RBFOX1: variants seen among roughly 807,000 people sequenced by gnomAD.
RBFOX1 encodes the protein RNA binding protein fox-1 homolog 1.
RBFOX1 carries 8 observed loss-of-function variants against 57.7 expected under a neutral mutation model. The ratio of observed to expected loss-of-function variants is 0.14; its 90% CI spans 0.08 to 0.25. The LOEUF (loss-of-function observed/expected upper bound fraction) is 0.25. Among genes scored for constraint, RBFOX1 ranks in the 10% least tolerant of loss-of-function variants. The pLI is 1.00. For missense variants in RBFOX1, 611 were observed against 548.5 expected (o/e 1.11, Z -1.14); for synonymous variants, 326 against 222.4 (o/e 1.47, Z -4.15).
intron 2 of RBFOX1, among the ~76,000 whole-genome samples, chr16:6,375,809 T>C (rs1488885040): frequency 1.3e-5 from 2 of 152,116 alleles, no homozygotes; most frequent in Non-Finnish European, 2.9e-5. Flanking sequence ...GAACAGGCAT[T>C]TCCCTATCCC....
At chr16:7,122,217 A>C (rs1048674466) in intron 4 of RBFOX1, among the ~76,000 whole-genome samples, 3 of 152,174 alleles carry the variant, frequency 2.0e-5, no homozygotes, top group African/African-American at 7.2e-5. Flanking sequence ...AAGAAAATAC[A>C]AGAATCTGTA....
At chr16:7,690,361 A>T (rs1210950772) in intron 14 of RBFOX1, among the ~76,000 whole-genome samples, 1 of 152,092 alleles carries the variant, frequency 6.6e-6, no homozygotes, top group Non-Finnish European at 1.5e-5. Context: ...CCCGAGACCC[A>T]GTTTCAGAGG....
At chr16:6,424,677 G>A (rs867495141) in intron 2 of RBFOX1, among the ~76,000 whole-genome samples, 14 of 151,480 alleles carry the variant, frequency 9.2e-5, no homozygotes, top group African/African-American at 3.2e-4. Flanking sequence ...CTACAAGGAT[G>A]TTCACTGCAG....
chr16:7,142,461 T>C (rs2074028146), intron 4 of RBFOX1, among the ~76,000 whole-genome samples: 1 of 152,174 alleles, frequency 6.6e-6, no homozygotes, highest in Non-Finnish European at 1.5e-5. Context: ...TCTGGCTTCC[T>C]GAGAGTCCCT....
At chr16:6,734,067 T>C (rs12929449) in intron 3 of RBFOX1, among the ~76,000 whole-genome samples, 31,093 of 152,164 alleles carry the variant, frequency 0.2, 3,418 homozygotes, top group East Asian at 0.42. Flanking sequence ...AGAGAACTTA[T>C]ACCCCACTGC....
intron 3 of RBFOX1, among the ~76,000 whole-genome samples, chr16:5,759,528 G>C (rs2053520742): frequency 6.6e-6 from 1 of 152,190 alleles, no homozygotes; most frequent in Non-Finnish European, 1.5e-5. Flanking sequence ...TGCAAATTCA[G>C]AGTTTTCTTA....
At chr16:7,296,201 A>G (rs2095884734) in intron 4 of RBFOX1, among the ~76,000 whole-genome samples, 2 of 151,444 alleles carry the variant, frequency 1.3e-5, no homozygotes, top group South Asian at 4.2e-4. Context: ...TGAAAATTTT[A>G]ATAGACTTAA....
At chr16:6,516,244 G>T (rs1308714541) in intron 2 of RBFOX1, among the ~76,000 whole-genome samples, 2 of 152,170 alleles carry the variant, frequency 1.3e-5, no homozygotes, top group Non-Finnish European at 2.9e-5. Flanking sequence ...GGCCAGGCTA[G>T]TCTCGAACTC....
intron 4 of RBFOX1, among the ~76,000 whole-genome samples, chr16:7,234,990 C>T (rs1015889385): frequency 3.9e-5 from 6 of 151,936 alleles, no homozygotes; most frequent in African/African-American, 1.2e-4. Context: ...CCTCTGCAGT[C>T]CAAAAAACGG....
At chr16:5,822,685 A>G (rs2055898073) in intron 3 of RBFOX1, among the ~76,000 whole-genome samples, 2 of 152,178 alleles carry the variant, frequency 1.3e-5, no homozygotes, top group South Asian at 2.1e-4. Flanking sequence ...CTGTGGAATT[A>G]TGTCTTCTTG....
chr16:7,220,179 G>T (rs2092614312), intron 4 of RBFOX1, among the ~76,000 whole-genome samples: 1 of 152,146 alleles, frequency 6.6e-6, no homozygotes, highest in Non-Finnish European at 1.5e-5. Flanking sequence ...TGACAAAAGT[G>T]CAGGAGGAAA....
intron 2 of RBFOX1, among the ~76,000 whole-genome samples, chr16:6,620,340 T>A (rs565377335): frequency 1.1e-4 from 17 of 152,262 alleles, no homozygotes; most frequent in African/African-American, 4.1e-4. Context: ...GAGACGCAGC[T>A]AAGGCAGTGT....
intron 1 of RBFOX1, among the ~76,000 whole-genome samples, chr16:6,119,795 T>G (rs886634277): frequency 3.9e-5 from 6 of 152,202 alleles, no homozygotes; most frequent in African/African-American, 1.4e-4. Flanking sequence ...TCTCCATGTC[T>G]GGCCCCATTA....
At chr16:5,959,703 A>T (rs139401539) in intron 4 of RBFOX1, among the ~76,000 whole-genome samples, 9 of 152,316 alleles carry the variant, frequency 5.9e-5, no homozygotes, top group African/African-American at 2.2e-4. Context: ...ATCCTAAAGA[A>T]ATTGTTGCTG....
intron 2 of RBFOX1, among the ~76,000 whole-genome samples, chr16:6,597,643 C>A (rs1328030490): frequency 6.6e-6 from 1 of 152,080 alleles, no homozygotes; most frequent in East Asian, 1.9e-4. Context: ...CATTGCACTC[C>A]AGCTTGGGTT....
At chr16:7,181,935 G>A (rs952126313) in intron 4 of RBFOX1, among the ~76,000 whole-genome samples, 12 of 152,256 alleles carry the variant, frequency 7.9e-5, no homozygotes, top group East Asian at 1.9e-4. Flanking sequence ...AAACTCAGCC[G>A]TCGAAATACA....
intron 3 of RBFOX1, among the ~76,000 whole-genome samples, chr16:5,856,249 A>ATATG (rs1567631357): frequency 4.4e-5 from 2 of 45,642 alleles, no homozygotes; most frequent in Non-Finnish European, 8.5e-5. Flanking sequence ...GTGTATATAT[A>ATATG]TGTATATATA....
Position 5,962,878 on chromosome 16 carries a change from A to G in RBFOX1, c.351+95543A>G, listed in dbSNP as rs142113917. On this transcript the variant is annotated intron_variant, in intron 4 of 19. Coordinates refer to the RBFOX1 transcript ENST00000641259. ...TGGTGAGTATGTCGCCTTGAGAGAA[A>G]GAATTTCCTTTTATATGATAGGGCT... 2.7e-5 allele frequency among the ~76,000 whole-genome samples: 4 copies of G among 150,668 alleles called. No individual in the cohort carries two copies. In the East Asian group the frequency reaches 7.8e-4, roughly 29 times the overall value.
At chr16:5,533,352 C>G (rs747005303) in intron 2 of RBFOX1, among the ~76,000 whole-genome samples, 1 of 152,022 alleles carries the variant, frequency 6.6e-6, no homozygotes, top group Non-Finnish European at 1.5e-5. Flanking sequence ...GAAAGGTGCC[C>G]CCAATAAATA....
Sources: allele counts gnomAD v4.1 joint callset (sites outside exome capture counted in the v4.1 genomes callset), GRCh38; gene constraint gnomAD v4.1.1; transcripts MANE v1.5; gene names NCBI Gene and HGNC (gene_info 2026-07-23, HGNC 2026-07-21).